RBFOX1: variants seen among roughly 807,000 people sequenced by gnomAD.
RBFOX1 encodes RNA binding fox-1 homolog 1.
RBFOX1 carries 8 observed loss-of-function variants against 57.7 expected under a neutral mutation model. The observed-to-expected ratio is 0.14, with a 90% CI of 0.08 to 0.25. The LOEUF (loss-of-function observed/expected upper bound fraction) is 0.25. Ranked by LOEUF, RBFOX1 falls within the 10% of genes least tolerant of loss-of-function variation. The pLI is 1.00. For synonymous variants in RBFOX1, 326 were observed against 222.4 expected (o/e 1.47, Z -4.15); for missense variants, 611 against 548.5 (o/e 1.11, Z -1.14).
chr16:6,033,879 A>G (rs2095325497), intron 1 of RBFOX1, among the ~76,000 whole-genome samples: 1 of 152,094 alleles, frequency 6.6e-6, no homozygotes, highest in Non-Finnish European at 1.5e-5. Flanking sequence ...GCACCCTTAC[A>G]TGTTGGTGGA....
chr16:7,421,319 G>C (rs1030757355), intron 4 of RBFOX1, among the ~76,000 whole-genome samples: 2 of 152,114 alleles, frequency 1.3e-5, no homozygotes, highest in African/African-American at 4.8e-5. Context: ...TTTTATCTAA[G>C]TATCTTCTGG....
intron 1 of RBFOX1, among the ~76,000 whole-genome samples, chr16:5,276,249 C>T (rs563541425): frequency 1.8e-3 from 268 of 152,250 alleles, no homozygotes; most frequent in Middle Eastern, 3.4e-3. Flanking sequence ...AAACAGATCA[C>T]CCAGAGAGTG....
chr16:7,054,040 G>C (rs2881356), intron 4 of RBFOX1, among the ~76,000 whole-genome samples: 76,881 of 151,292 alleles, frequency 0.51, 22,448 homozygotes, highest in South Asian at 0.76. Flanking sequence ...TTAAGTACTG[G>C]TAGCTATCTC....
intron 5 of RBFOX1, among the ~76,000 whole-genome samples, chr16:7,522,486 A>G (rs951235973): frequency 6.6e-6 from 1 of 152,200 alleles, no homozygotes; most frequent in Non-Finnish European, 1.5e-5. Flanking sequence ...TAGTTTTGCT[A>G]GAGTAGTGGA....
intron 1 of RBFOX1, among the ~76,000 whole-genome samples, chr16:5,318,487 C>G (rs1394069796): frequency 2.0e-5 from 3 of 152,150 alleles, no homozygotes; most frequent in African/African-American, 4.8e-5. Flanking sequence ...TGTTTGCCCA[C>G]TAAGAGTAAA....
intron 4 of RBFOX1, among the ~76,000 whole-genome samples, chr16:7,491,207 C>A (rs374604379): frequency 6.6e-6 from 1 of 152,078 alleles, no homozygotes; most frequent in South Asian, 2.1e-4. Flanking sequence ...CTTTGCTTTC[C>A]GGGCATTGCC....
chr16:5,923,776 A>G (rs1181090580), intron 4 of RBFOX1, among the ~76,000 whole-genome samples: 6 of 151,940 alleles, frequency 3.9e-5, no homozygotes, highest in Admixed American at 6.6e-5. Context: ...CCTGACCTCA[A>G]GTGATGTGCC....
chr16:5,393,460 T>C (rs148796380), intron 1 of RBFOX1, among the ~76,000 whole-genome samples: 193 of 152,336 alleles, frequency 1.3e-3, no homozygotes, highest in African/African-American at 4.5e-3. Flanking sequence ...GCTTGTGATG[T>C]TGACAAAGTT....
intron 3 of RBFOX1, among the ~76,000 whole-genome samples, chr16:7,032,212 G>T (rs2042982592): frequency 6.6e-6 from 1 of 152,072 alleles, no homozygotes; most frequent in African/African-American, 2.4e-5. Context: ...ATCGCTTGAG[G>T]TCAGGAGTTC....
chr16:6,658,353 G>A (rs533608978), intron 3 of RBFOX1, among the ~76,000 whole-genome samples: 2 of 151,618 alleles, frequency 1.3e-5, no homozygotes, highest in East Asian at 2.0e-4. Context: ...CGATTCTCCT[G>A]CCTCAGCCTC....
chr16:5,373,268 G>C (rs938618614), intron 1 of RBFOX1, among the ~76,000 whole-genome samples: 15 of 152,138 alleles, frequency 9.9e-5, no homozygotes, highest in African/African-American at 3.6e-4. Context: ...AGAGAGATAG[G>C]GCCAGTGGGT....
intron 3 of RBFOX1, among the ~76,000 whole-genome samples, chr16:6,995,096 C>T (rs776038184): frequency 6.6e-6 from 1 of 152,018 alleles, no homozygotes; most frequent in Non-Finnish European, 1.5e-5. Context: ...ATTAAAAATT[C>T]AGAACAACCA....
intron 3 of RBFOX1, among the ~76,000 whole-genome samples, chr16:5,771,628 T>A (rs1434166959): frequency 1.3e-5 from 2 of 152,112 alleles, no homozygotes; most frequent in Non-Finnish European, 2.9e-5. Flanking sequence ...AGGCTGGTCT[T>A]GAACTTCTAG....
intron 2 of RBFOX1, among the ~76,000 whole-genome samples, chr16:6,579,594 A>G (rs2097503338): frequency 6.6e-6 from 1 of 152,090 alleles, no homozygotes; most frequent in Non-Finnish European, 1.5e-5. Flanking sequence ...ATGTGAAGAA[A>G]AGCCTGTTTG....
intron 3 of RBFOX1, among the ~76,000 whole-genome samples, chr16:6,894,396 C>T (rs977185669): frequency 9.2e-5 from 14 of 152,146 alleles, no homozygotes; most frequent in African/African-American, 2.7e-4. Flanking sequence ...TCTTTTGTTC[C>T]ATTCAGCCCA....
intron 4 of RBFOX1, among the ~76,000 whole-genome samples, chr16:7,184,783 A>G (rs1183892103): frequency 1.3e-5 from 2 of 152,208 alleles, no homozygotes; most frequent in Non-Finnish European, 2.9e-5. Context: ...TTAGTTCTGA[A>G]TGTTTGTGCC....
At chr16:6,855,434 G>A (rs576021631) in intron 3 of RBFOX1, among the ~76,000 whole-genome samples, 66 of 152,142 alleles carry the variant, frequency 4.3e-4, no homozygotes, top group African/African-American at 1.5e-3. Flanking sequence ...GGCGGATCAT[G>A]AGGTCAGGAG....
chr16:5,834,659 A>G (rs945296521), intron 3 of RBFOX1, among the ~76,000 whole-genome samples: 3 of 150,914 alleles, frequency 2.0e-5, no homozygotes, highest in Non-Finnish European at 3.0e-5. Flanking sequence ...GTTAACCAGT[A>G]GTGGGATTGC....
intron 4 of RBFOX1, among the ~76,000 whole-genome samples, chr16:5,892,267 G>A: frequency 6.6e-6 from 1 of 152,192 alleles, no homozygotes; most frequent in East Asian, 1.9e-4. Flanking sequence ...GGGTTGAGGG[G>A]AGACCAAGCC....
Sources: allele counts gnomAD v4.1 joint callset (sites outside exome capture counted in the v4.1 genomes callset), GRCh38; gene constraint gnomAD v4.1.1; transcripts MANE v1.5; gene names NCBI Gene and HGNC (gene_info 2026-07-23, HGNC 2026-07-21).